The following KCNJ6 variants were observed in gnomAD, a reference collection of about 807,000 sequenced individuals.
KCNJ6 encodes potassium inwardly rectifying channel subfamily J member 6, also known as G protein-activated inward rectifier potassium channel 2.
A neutral mutation model predicts 34.2 loss-of-function variants in KCNJ6; 9 were observed. That is an observed-to-expected ratio of 0.26 (90% CI 0.16 to 0.46). The LOEUF (loss-of-function observed/expected upper bound fraction) is 0.46, where lower values mean the gene tolerates loss of function less well. Among genes scored for constraint, KCNJ6 ranks in the 20% least tolerant of loss-of-function variants. KCNJ6 has a pLI of 1.00. For synonymous variants in KCNJ6, 196 were observed against 207.1 expected (o/e 0.95, Z 0.46); for missense variants, 236 against 531.3 (o/e 0.44, Z 5.46).
At chr21:37,826,060 T>C (rs1287185634) in intron 2 of KCNJ6, among the ~76,000 whole-genome samples, 1 of 152,158 alleles carries the variant, frequency 6.6e-6, no homozygotes, top group Non-Finnish European at 1.5e-5. Context: ...TGCAGCACTG[T>C]GACCCCTTTC....
At chr21:37,790,742 C>T (rs967944183) in intron 2 of KCNJ6, among the ~76,000 whole-genome samples, 2 of 152,162 alleles carry the variant, frequency 1.3e-5, no homozygotes, top group Non-Finnish European at 2.9e-5. Flanking sequence ...GATATCTTGC[C>T]AGAGAATGTC....
At chr21:37,819,670 A>G (rs916496637) in intron 2 of KCNJ6, among the ~76,000 whole-genome samples, 8 of 152,334 alleles carry the variant, frequency 5.3e-5, no homozygotes, top group Admixed American at 5.2e-4. Context: ...GTTGTAAATG[A>G]CTGAAGGGTG....
Position 37,754,296 on chromosome 21 carries a change from C to T in KCNJ6, c.26-39165G>A, listed in dbSNP as rs74483631. Among the ~76,000 whole-genome samples, 61 of 152,298 alleles carry T rather than the reference C, an allele frequency of 4.0e-4. No individual in the cohort carries two copies. In the East Asian group the frequency reaches 0.012, roughly 29 times the overall value. ...ACAAAGTACTGTGAATCTCAAGTGCCGCTTGCTTGAGCAAAATGCAACCGA... is the reference window on the plus strand; with the variant it reads ...ACAAAGTACTGTGAATCTCAAGTGCTGCTTGCTTGAGCAAAATGCAACCGA... On this transcript the variant is annotated intron_variant, in intron 2 of 3. Coordinates refer to ENST00000609713, the MANE Select transcript of KCNJ6 (RefSeq NM_002240.5).
chr21:37,907,773 C>G (rs2055848665), intron 1 of KCNJ6, among the ~76,000 whole-genome samples: 1 of 152,228 alleles, frequency 6.6e-6, no homozygotes, highest in African/African-American at 2.4e-5. Context: ...TCCTCCCCCA[C>G]ATATTCTCCA....
chr21:37,846,102 C>T (rs549311853), intron 1 of KCNJ6, among the ~76,000 whole-genome samples: 1 of 152,156 alleles, frequency 6.6e-6, no homozygotes, highest in African/African-American at 2.4e-5. Flanking sequence ...GGGCAATGGG[C>T]ATTTAATTTT....
At chr21:37,861,041 A>G (rs539141290) in intron 1 of KCNJ6, among the ~76,000 whole-genome samples, 2 of 152,326 alleles carry the variant, frequency 1.3e-5, no homozygotes, top group African/African-American at 4.8e-5. Flanking sequence ...AACTACAGTG[A>G]GAATAAAAGG....
chr21:37,904,476 G>A (rs1297146850), intron 1 of KCNJ6, among the ~76,000 whole-genome samples: 1 of 151,378 alleles, frequency 6.6e-6, no homozygotes, highest in Non-Finnish European at 1.5e-5. Flanking sequence ...TATCACTTTG[G>A]GGTCTTGAAA....
At position 37,607,705 on chromosome 21, in the gene KCNJ6, A is replaced by G. The variant is rs1351479835; in HGVS notation, c.*17454T>C. 6.6e-6 allele frequency: 1 copy of G among 152,084 alleles called. No homozygotes were observed. Among genetic ancestry groups the G allele is most frequent in the Admixed American group, 6.5e-5 (1 of 15,274 alleles). The allele number at this position is 152,084 out of a possible 1,614,324, so 9.4% of individuals were successfully genotyped here. On this transcript the variant is annotated 3_prime_UTR_variant, in exon 4 of 4. Transcript: ENST00000609713. ...AAAGCATGGTGGAAAAGTTGGCAAG[A>G]TTGACCTCAGAAGCAAATCTTAGTG...
At chr21:37,788,585 T>C (rs2055202723) in intron 2 of KCNJ6, among the ~76,000 whole-genome samples, 1 of 152,190 alleles carries the variant, frequency 6.6e-6, no homozygotes, top group Non-Finnish European at 1.5e-5. Context: ...GGATCTGAGC[T>C]GACATTGTGA....
At chr21:37,682,131 C>T (rs962825738) in intron 3 of KCNJ6, among the ~76,000 whole-genome samples, 3 of 152,194 alleles carry the variant, frequency 2.0e-5, no homozygotes, top group African/African-American at 7.2e-5. Flanking sequence ...TAGTTTCCTG[C>T]AGCCGCAGTA....
intron 3 of KCNJ6, among the ~76,000 whole-genome samples, chr21:37,634,697 C>T (rs2054349206): frequency 6.6e-6 from 1 of 151,930 alleles, no homozygotes; most frequent in Non-Finnish European, 1.5e-5. Flanking sequence ...TAAAAATATA[C>T]CACTTTTATG....
chr21:37,771,113 A>C (rs1320757953), intron 2 of KCNJ6, among the ~76,000 whole-genome samples: 1 of 152,074 alleles, frequency 6.6e-6, no homozygotes, highest in Non-Finnish European at 1.5e-5. Flanking sequence ...TTTTAAGGAG[A>C]TAGTGTGGTT....
rs143084217 is a variant in KCNJ6, at chr21:37,909,479, C to T, written c.-28+6405G>A. Among the ~76,000 whole-genome samples, 1,005 of 152,060 alleles carry T rather than the reference C, an allele frequency of 6.6e-3. 11 individuals carry two copies. The highest frequency in any genetic ancestry group is 0.021 in the African/African-American group (881 of 41,454). On this transcript the variant is annotated intron_variant, in intron 1 of 3. Transcript: ENST00000609713. ...CTCCTGGGTTCAAGCAATTCTTGTG[C>T]CTCAGCCTCCTGAGTAGCTGGGACT... is the stretch of plus-strand genomic sequence containing the variant.
At chr21:37,763,045 G>T (rs1185943330) in intron 2 of KCNJ6, among the ~76,000 whole-genome samples, 2 of 152,180 alleles carry the variant, frequency 1.3e-5, no homozygotes, top group Admixed American at 6.5e-5. Flanking sequence ...ACCAGTGACT[G>T]CCCGGGCTCC....
chr21:37,676,506 CTGTGGG>C (rs2054565395), intron 3 of KCNJ6, among the ~76,000 whole-genome samples: 1 of 152,156 alleles, frequency 6.6e-6, no homozygotes, highest in Non-Finnish European at 1.5e-5. Context: ...GTGCTGAGGC[CTGTGGG>C]TGGGCGTATG....
chr21:37,644,015 AC>A (rs2054392770), intron 3 of KCNJ6, among the ~76,000 whole-genome samples: 1 of 152,234 alleles, frequency 6.6e-6, no homozygotes, highest in East Asian at 1.9e-4. Context: ...AAAATGTGGT[AC>A]ATATACACCA....
At chr21:37,738,645 T>C (rs1310253015) in intron 2 of KCNJ6, among the ~76,000 whole-genome samples, 1 of 152,232 alleles carries the variant, frequency 6.6e-6, no homozygotes, top group African/African-American at 2.4e-5. Context: ...AAGATGCTGG[T>C]GCTCCCAGTC....
intron 3 of KCNJ6, among the ~76,000 whole-genome samples, chr21:37,689,758 G>C (rs1174337118): frequency 1.3e-5 from 2 of 152,026 alleles, no homozygotes; most frequent in Non-Finnish European, 2.9e-5. Context: ...AAAAGGGTTA[G>C]TCTCTTAACA....
At chr21:37,908,776 T>C (rs1468484428) in intron 1 of KCNJ6, among the ~76,000 whole-genome samples, 1 of 152,248 alleles carries the variant, frequency 6.6e-6, no homozygotes. Flanking sequence ...CAGGAAATAT[T>C]GTCTCTACCA....
Sources: allele counts gnomAD v4.1 joint callset (sites outside exome capture counted in the v4.1 genomes callset), GRCh38; gene constraint gnomAD v4.1.1; transcripts MANE v1.5; gene names NCBI Gene and HGNC (gene_info 2026-07-23, HGNC 2026-07-21).